The following ZEB2 variants were observed in gnomAD, a reference collection of about 807,000 sequenced individuals.
ZEB2 encodes zinc finger E-box binding homeobox 2, also known as zinc finger E-box-binding homeobox 2.
ZEB2 carries 6 observed loss-of-function variants against 99.9 expected under a neutral mutation model. That is an observed-to-expected ratio of 0.06 (90% CI 0.03 to 0.12). The LOEUF is 0.12. Ranked by LOEUF, ZEB2 falls within the 10% of genes least tolerant of loss-of-function variation. The pLI is 1.00. For synonymous variants in ZEB2, 517 were observed against 542.5 expected, an observed-to-expected ratio of 0.95 and a Z score of 0.65; for missense variants, 969 against 1,502.8, an observed-to-expected ratio of 0.64 and a Z score of 5.87.
chr2:144,450,904 C>T (rs530487030), intron 2 of ZEB2, among the ~76,000 whole-genome samples: 1 of 152,298 alleles, frequency 6.6e-6, no homozygotes, highest in South Asian at 2.1e-4. Flanking sequence ...TCTCAAACTC[C>T]TGACCTCAGG....
In ZEB2 at chr2:144,424,417, A is replaced by G. The variant is rs1393425008; in HGVS notation, c.403+379T>C. On this transcript the variant is annotated intron_variant, in intron 4 of 9. Transcript: ENST00000627532. The stretch of plus-strand genomic sequence containing the variant: ...AGTCTAAATTACACCTTATCATTTG[A>G]ATTCTCAACGACTGATATCAAGTGG... 3 of 524,616 alleles carry G rather than the reference A, an allele frequency of 5.7e-6. No homozygotes were observed. The African/African-American group carries it at 5.7e-5, about 10-fold the overall frequency. 32.5% of individuals were successfully genotyped at this position (524,616 alleles called of 1,614,324 possible).
At chr2:144,511,702 G>A in intron 2 of ZEB2, 1 of 1,286,894 alleles carries the variant, frequency 7.8e-7, no homozygotes, top group Non-Finnish European at 1.0e-6. Context: ...ACAAATCACA[G>A]CAAACATACA....
chr2:144,476,961 T>C (rs1704438599), intron 2 of ZEB2, among the ~76,000 whole-genome samples: 1 of 152,214 alleles, frequency 6.6e-6, no homozygotes. Flanking sequence ...TTTAAAAACA[T>C]TCATGGGGCA....
rs151325304 is a variant in ZEB2 at position 144,505,407 on chromosome 2, C to T, written c.73+11871G>A. Among the ~76,000 whole-genome samples, 351 of 152,260 alleles carry T rather than the reference C, an allele frequency of 2.3e-3. 2 individuals are homozygous for T. The highest frequency in any genetic ancestry group is 8.2e-3 in the African/African-American group (342 of 41,554). On this transcript the variant is annotated intron_variant, in intron 2 of 9. Coordinates refer to ENST00000627532, the MANE Select transcript of ZEB2 (RefSeq NM_014795.4). ...AAAGTTTAGAAGCTCAGTCCAGTTC[C>T]ATTTAAAAAGACTAGATAAAGCCTG...
intron 2 of ZEB2, among the ~76,000 whole-genome samples, chr2:144,476,473 A>C (rs1370239984): frequency 6.6e-6 from 1 of 152,242 alleles, no homozygotes; most frequent in East Asian, 1.9e-4. Context: ...AGGACACTTA[A>C]GTGATGGTGG....
intron 5 of ZEB2, 141 bp downstream of exon 5, chr2:144,404,695 G>T: frequency 8.6e-7 from 1 of 1,162,288 alleles, no homozygotes; most frequent in Non-Finnish European, 1.2e-6. Context: ...TAAAATTACA[G>T]TTCTAATCTT....
At chr2:144,427,682 AT>A (rs1421897121) in intron 3 of ZEB2, 2 of 152,192 alleles carry the variant, frequency 1.3e-5, no homozygotes, top group African/African-American at 4.8e-5. Context: ...TTTTAGAACA[AT>A]AAAAAAAAAG....
intron 2 of ZEB2, among the ~76,000 whole-genome samples, chr2:144,491,006 G>A (rs1198682803): frequency 6.6e-6 from 1 of 152,240 alleles, no homozygotes; most frequent in East Asian, 1.9e-4. Context: ...GTAGTGCCGT[G>A]TCAGTGATCC....
At chr2:144,415,941 C>T (rs2149885013) in intron 4 of ZEB2, among the ~76,000 whole-genome samples, 1 of 152,316 alleles carries the variant, frequency 6.6e-6, no homozygotes, top group Middle Eastern at 3.4e-3. Flanking sequence ...ATTACATTTC[C>T]CACAGGATGC....
chr2:144,387,265 T>G lies in ZEB2; in HGVS notation c.*2186A>C, dbSNP rs983994066. The G allele has an allele frequency of 6.6e-6, 1 of 152,076 alleles. No homozygotes were observed. Among genetic ancestry groups the G allele is most frequent in the African/African-American group, 2.4e-5 (1 of 41,426 alleles). The allele number at this position is 152,076 out of a possible 1,614,324, so 9.4% of individuals were successfully genotyped here. On this transcript the variant is annotated 3_prime_UTR_variant, in exon 10 of 10. Coordinates refer to ENST00000627532, the MANE Select transcript of ZEB2 (RefSeq NM_014795.4). Reference sequence around the variant, plus strand: ...TTGATTCTAAAGTAGAAAAAATACATGGACAGCTACTATATTATAGTTCTG... The same window carrying G: ...TTGATTCTAAAGTAGAAAAAATACAGGGACAGCTACTATATTATAGTTCTG...
chr2:144,407,488 G>T (rs1055952649), intron 4 of ZEB2, among the ~76,000 whole-genome samples: 9 of 152,178 alleles, frequency 5.9e-5, no homozygotes, highest in African/African-American at 2.2e-4. Flanking sequence ...CCCCTATGGA[G>T]TATGTAGAAA....
chr2:144,490,019 A>C (rs1227861406), intron 2 of ZEB2, among the ~76,000 whole-genome samples: 1 of 151,916 alleles, frequency 6.6e-6, no homozygotes, highest in African/African-American at 2.4e-5. Context: ...ATTCATTCTG[A>C]CTCTCTTTAT....
At chr2:144,390,423 A>C in intron 9 of ZEB2, 1 of 319,628 alleles carries the variant, frequency 3.1e-6, no homozygotes, top group Non-Finnish European at 6.0e-6. Flanking sequence ...CTTGTACAAA[A>C]GTGATAAAGA....
At chr2:144,455,152 C>T (rs1030098774) in intron 2 of ZEB2, 3 of 152,146 alleles carry the variant, frequency 2.0e-5, no homozygotes, top group African/African-American at 7.2e-5. Flanking sequence ...GAAAACCTGC[C>T]GCTTCAATCC....
chr2:144,485,885 C>T (rs1209440816), intron 2 of ZEB2, among the ~76,000 whole-genome samples: 2 of 152,164 alleles, frequency 1.3e-5, no homozygotes, highest in Non-Finnish European at 2.9e-5. Context: ...TCCCAAAGTG[C>T]TGGGATTACA....
At chr2:144,431,224 C>T (rs1225289270) in intron 2 of ZEB2, among the ~76,000 whole-genome samples, 7 of 152,058 alleles carry the variant, frequency 4.6e-5, no homozygotes, top group Admixed American at 2.0e-4. Flanking sequence ...TGCCAGCTAT[C>T]GGATTATACA....
chr2:144,431,837 G>T (rs1250286576), intron 2 of ZEB2, among the ~76,000 whole-genome samples: 5 of 139,542 alleles, frequency 3.6e-5, no homozygotes, highest in African/African-American at 1.0e-4. Flanking sequence ...GGGTAGGGGG[G>T]AGTGGGAATG....
chr2:144,450,959 T>C (rs947550122), intron 2 of ZEB2, among the ~76,000 whole-genome samples: 2 of 152,224 alleles, frequency 1.3e-5, no homozygotes, highest in African/African-American at 4.8e-5. Flanking sequence ...ATTACAGGCA[T>C]GAGCCACTGT....
chr2:144,501,583 G>A (rs1704870319), intron 2 of ZEB2, among the ~76,000 whole-genome samples: 3 of 152,156 alleles, frequency 2.0e-5, no homozygotes, highest in Admixed American at 1.3e-4. Flanking sequence ...AATGTTATAA[G>A]CTGACAGGAC....
Sources: gnomAD v4.1 joint callset for allele counts (sites outside exome capture counted in the v4.1 genomes callset) on GRCh38, gnomAD v4.1.1 for gene constraint, MANE v1.5 for transcripts, NCBI Gene and HGNC (gene_info 2026-07-23, HGNC 2026-07-21) for gene names.